Variants in MTMR6 observed in about 807,000 individuals in gnomAD.
The protein encoded by MTMR6 is phosphatidylinositol-3,5-bisphosphate 3-phosphatase MTMR6.
A neutral mutation model predicts 80.1 loss-of-function variants in MTMR6; 47 were observed. That is an observed-to-expected ratio of 0.59 (90% confidence interval 0.46 to 0.75). The LOEUF is 0.75. MTMR6 is among the 30% of genes least tolerant of loss of function. The pLI is 0.00. For missense variants in MTMR6, 629 were observed against 730.9 expected (o/e 0.86, Z 1.61); for synonymous variants, 254 against 253.0 (o/e 1.00, Z -0.04).
At chr13:25,257,624 T>TA in intron 8 of MTMR6, 112 bp downstream of exon 8, 1 of 754,288 alleles carries the variant, frequency 1.3e-6, no homozygotes, top group East Asian at 2.8e-5. Flanking sequence ...ATTAAAGAGG[T>TA]AAAAAATAAT....
rs17082055 is a variant in MTMR6, at chr13:25,259,487, G to C, written c.727-795C>G. Among the ~76,000 whole-genome samples the C allele has an allele frequency of 6.1e-3, 931 of 152,222 alleles. 12 individuals are homozygous for C. The highest frequency in any genetic ancestry group is 0.021 in the African/African-American group (859 of 41,554). ...AAGGAGCTCTTCATTTTGTGGATTG[G>C]ACCTCAGTTTGGTAACAAGTACAGT... On this transcript the variant is annotated intron_variant, in intron 6 of 13. Coordinates refer to ENST00000381801, the MANE Select transcript of MTMR6 (RefSeq NM_004685.5).
Position 25,287,331 on chromosome 13 carries a change from A to T in MTMR6, c.-84T>A. On this transcript the variant is annotated 5_prime_UTR_variant, in exon 1 of 14. In the 5' UTR this introduces an upstream ATG that the reference lacks. Transcript: ENST00000381801. Reference sequence around the variant, plus strand: ...AGGGCGGTGACAGCGACAGAGAGCAAGCGGGAACTCCCTCCACCAGCCAGC... The same window carrying T: ...AGGGCGGTGACAGCGACAGAGAGCATGCGGGAACTCCCTCCACCAGCCAGC... The T allele has an allele frequency of 6.6e-7, 1 of 1,517,314 alleles. No individual in the cohort carries two copies. The highest frequency in any genetic ancestry group is 8.9e-7 in the Non-Finnish European group (1 of 1,126,232). 94.0% of individuals were successfully genotyped at this position (1,517,314 alleles called of 1,614,324 possible). A position where few individuals can be genotyped will look rare whatever the true frequency, so the allele number is the denominator to read the frequency against.
chr13:25,267,727 A>C, intron 3 of MTMR6, 52 bp downstream of exon 3: 1 of 1,527,576 alleles, frequency 6.5e-7, no homozygotes, highest in Non-Finnish European at 9.0e-7. Context: ...AAAGTATCTT[A>C]GATAACCCAT....
intron 5 of MTMR6, among the ~76,000 whole-genome samples, chr13:25,265,588 C>T (rs1957437116): frequency 6.6e-6 from 1 of 152,016 alleles, no homozygotes; most frequent in Non-Finnish European, 1.5e-5. Context: ...CTAAAATTAG[C>T]CAGGCATGGT....
intron 3 of MTMR6, among the ~76,000 whole-genome samples, chr13:25,267,249 A>AC (rs1351604049): frequency 1.3e-5 from 2 of 150,670 alleles, no homozygotes; most frequent in Non-Finnish European, 3.0e-5. Context: ...TCCATCTCAA[A>AC]AAAAAAAAAA....
chr13:25,257,222 A>G lies in MTMR6; in HGVS notation c.1069T>C (p.Tyr357His), dbSNP rs1253531377. The change falls in exon 9 of 14, where the codon TAC becomes CAC. Residue 357 changes from tyrosine (Y) to histidine (H), a missense_variant. Coordinates refer to ENST00000381801, the MANE Select transcript of MTMR6 (RefSeq NM_004685.5). ...ATGAATCCTTTGATTGTCCTGTAGT[A>G]GGAATCCAATAAAAGAGAACCCAGG... The part of the protein sequence containing the change: ...CSLGSLLLDS[Y>H]YRTIKGFMVL... 6.2e-7 allele frequency: 1 copy of G among 1,613,740 alleles called. No homozygotes were observed. Among genetic ancestry groups the G allele is most frequent in the Non-Finnish European group, 8.5e-7 (1 of 1,179,832 alleles).
chr13:25,266,358 T>A (rs75290152), intron 3 of MTMR6, 72 bp from the exon 4 acceptor site: 101,906 of 1,291,342 alleles, frequency 0.079, 4,267 homozygotes, highest in Admixed American at 0.1. Flanking sequence ...ATGTAATTTT[T>A]CAGTTTTCTT....
At chr13:25,268,817 G>A (rs1957508604) in intron 2 of MTMR6, among the ~76,000 whole-genome samples, 1 of 152,040 alleles carries the variant, frequency 6.6e-6, no homozygotes, top group Non-Finnish European at 1.5e-5. Context: ...CACACTCCCG[G>A]GCACAGCTGC....
In MTMR6 at chr13:25,251,625, T is replaced by C. The variant is rs758190885; in HGVS notation, c.1605+24A>G. The C allele has an allele frequency of 8.3e-6, 12 of 1,443,754 alleles. No homozygotes were observed. Among genetic ancestry groups the C allele is most frequent in the South Asian group, 7.3e-5 (6 of 82,482 alleles). 89.4% of individuals were successfully genotyped at this position (1,443,754 alleles called of 1,614,324 possible). On this transcript the variant is annotated intron_variant, in intron 13 of 13. Transcript: ENST00000381801. This position sits in a 1 kb window ranked among gnomAD's most constrained non-coding sequence, Gnocchi z 4.1. ...GTAAACTAATTTCACATTCCAAATATATTAGATACTTCAGAATACTTACAG... is the reference window on the plus strand; with the variant it reads ...GTAAACTAATTTCACATTCCAAATACATTAGATACTTCAGAATACTTACAG...
chr13:25,274,949 C>CACACACACACACAT, intron 1 of MTMR6, among the ~76,000 whole-genome samples: 1 of 127,742 alleles, frequency 7.8e-6, no homozygotes, highest in East Asian at 2.6e-4. Flanking sequence ...GACACACACA[C>CACACACACACACAT]ACACACACAC....
In MTMR6 at chr13:25,287,123, C is replaced by T; in HGVS notation, c.24+101G>A. On this transcript the variant is annotated intron_variant, in intron 1 of 13. Coordinates refer to ENST00000381801, the MANE Select transcript of MTMR6 (RefSeq NM_004685.5). ...GCCCCGGGCCGGGTCTCCGCCGGGC[C>T]GGCTCCCAGCCCCAGTCAGGCCAGC... The T allele has an allele frequency of 2.0e-6, 3 of 1,491,788 alleles. No individual in the cohort carries two copies. The South Asian group carries it at 3.6e-5, about 18-fold the overall frequency. The allele number at this position is 1,491,788 out of a possible 1,614,324, so 92.4% of individuals were successfully genotyped here. A position where few individuals can be genotyped will look rare whatever the true frequency, so the allele number is the denominator to read the frequency against.
At chr13:25,277,539 A>G (rs745549698) in intron 1 of MTMR6, among the ~76,000 whole-genome samples, 4 of 152,232 alleles carry the variant, frequency 2.6e-5, no homozygotes, top group Non-Finnish European at 4.4e-5. Flanking sequence ...TTTTGTTGAA[A>G]TCATTTGATT....
intron 1 of MTMR6, among the ~76,000 whole-genome samples, chr13:25,275,960 T>C (rs1270106865): frequency 6.6e-6 from 1 of 151,004 alleles, no homozygotes; most frequent in Non-Finnish European, 1.5e-5. Flanking sequence ...TGAATAAAGA[T>C]TTCTCTTAGA....
chr13:25,284,052 C>A (rs1957910871), intron 1 of MTMR6, among the ~76,000 whole-genome samples: 1 of 152,148 alleles, frequency 6.6e-6, no homozygotes, highest in South Asian at 2.1e-4. Context: ...AATACTTAAT[C>A]TGATAAATCT....
At chr13:25,266,014 C>T (rs1957446812) in intron 4 of MTMR6, 67 bp from the exon 5 acceptor site, 2 of 1,598,148 alleles carry the variant, frequency 1.3e-6, no homozygotes, top group Non-Finnish European at 1.7e-6. Flanking sequence ...AACCTTTAAA[C>T]CTTATTAAAT....
Position 25,259,431 on chromosome 13 carries a change from C to T in MTMR6, c.727-739G>A, listed in dbSNP as rs576151799. 1.4e-4 allele frequency among the ~76,000 whole-genome samples: 21 copies of T among 152,190 alleles called. No homozygotes were observed. The South Asian group carries it at 2.5e-3, about 18-fold the overall frequency. ...ACAATTTATTAAAAATTCTTATGAA[C>T]GTGGATAAAACGAAGCCTAAATTAG... On this transcript the variant is annotated intron_variant, in intron 6 of 13. Coordinates refer to ENST00000381801, the MANE Select transcript of MTMR6 (RefSeq NM_004685.5).
At position 25,251,919 on chromosome 13, in the gene MTMR6, G is replaced by C; in HGVS notation, c.1412C>G (p.Pro471Arg). The C allele has an allele frequency of 6.2e-7, 1 of 1,609,440 alleles. No individual in the cohort carries two copies. The change falls in exon 12 of 14, where the codon CCT becomes CGT. Residue 471 changes from proline to arginine, a missense_variant. By Grantham distance (103) the Pro-to-Arg change is moderately radical. Coordinates refer to ENST00000381801, the MANE Select transcript of MTMR6 (RefSeq NM_004685.5). This position sits in a 1 kb window ranked among gnomAD's most constrained non-coding sequence, Gnocchi z 4.1. ...TCTGTGAGATTCGGAACTGTAGAGA[G>C]GATTTAAGTACTTCTTTTGGTCTTC... The part of the protein sequence containing the change: ...LLEDQKKYLN[P>R]LYSSESHRFT...
chr13:25,266,768 C>T (rs1957464346), intron 3 of MTMR6, among the ~76,000 whole-genome samples: 1 of 152,168 alleles, frequency 6.6e-6, no homozygotes, highest in African/African-American at 2.4e-5. Flanking sequence ...ATCATCCTTA[C>T]TATAAACTCT....
At chr13:25,286,708 G>GT (rs1367127938) in intron 1 of MTMR6, among the ~76,000 whole-genome samples, 8 of 152,172 alleles carry the variant, frequency 5.3e-5, no homozygotes, top group Non-Finnish European at 5.9e-5. Context: ...GGAAACACCG[G>GT]ATGCGAAAGA....
Sources: allele counts gnomAD v4.1 joint callset (sites outside exome capture counted in the v4.1 genomes callset), GRCh38; gene constraint gnomAD v4.1.1; non-coding constraint Gnocchi (gnomAD v3.1); transcripts MANE v1.5; gene names NCBI Gene and HGNC (gene_info 2026-07-23, HGNC 2026-07-21).